ZNF490: variants seen among roughly 807,000 people sequenced by gnomAD.
The protein encoded by ZNF490 is zinc finger protein 490.
ZNF490 carries 11 observed loss-of-function variants against 17.7 expected under a neutral mutation model. That is an observed-to-expected ratio of 0.62 (90% CI 0.39 to 1.03). ZNF490 has a LOEUF of 1.03. ZNF490 is among the 50% of genes least tolerant of loss of function. The pLI is 0.00. For missense variants in ZNF490, 542 were observed against 643.4 expected (o/e 0.84, Z 1.71); for synonymous variants, 222 against 216.1 (o/e 1.03, Z -0.24).
intron 2 of ZNF490, among the ~76,000 whole-genome samples, chr19:12,590,641 G>T (rs2022859251): frequency 6.6e-6 from 1 of 152,224 alleles, no homozygotes; most frequent in Non-Finnish European, 1.5e-5. Flanking sequence ...TGACATGACT[G>T]CGTATGTAGA....
chr19:12,597,423 C>G (rs554457560), intron 2 of ZNF490: 18 of 277,196 alleles, frequency 6.5e-5, no homozygotes, highest in Admixed American at 4.6e-5. Context: ...GCCGAGCTAG[C>G]TTCCCAGAGT....
At chr19:12,605,435 C>T (rs2023056127) in intron 2 of ZNF490, among the ~76,000 whole-genome samples, 1 of 151,634 alleles carries the variant, frequency 6.6e-6, no homozygotes, top group Non-Finnish European at 1.5e-5. Context: ...GAGCTATGAT[C>T]CTGCCACTGC....
chr19:12,578,525 G>A lies in ZNF490; in HGVS notation c.*1960C>T. 2.0e-6 allele frequency: 2 copies of A among 985,430 alleles called. No individual in the cohort carries two copies. The highest frequency in any genetic ancestry group is 2.4e-6 in the Non-Finnish European group (2 of 829,948). 61.0% of individuals were successfully genotyped at this position (985,430 alleles called of 1,614,324 possible). ...AGTGTCCAAAGTGTAGGTTTGAGAT[G>A]GGAAATGGAGCTGGAGATGACCTCA... On this transcript the variant is annotated 3_prime_UTR_variant, in exon 5 of 5. Coordinates refer to ENST00000311437, the MANE Select transcript of ZNF490 (RefSeq NM_020714.3).
chr19:12,597,297 C>A (rs2022946550), intron 2 of ZNF490: 1 of 421,798 alleles, frequency 2.4e-6, no homozygotes, highest in Admixed American at 2.5e-5. Flanking sequence ...GATGTTCACA[C>A]GCGCATTCAG....
intron 3 of ZNF490, 144 bp downstream of exon 3, chr19:12,583,286 G>A (rs886154211): frequency 3.2e-5 from 29 of 896,028 alleles, no homozygotes; most frequent in African/African-American, 1.2e-4. Context: ...TAATCCGCCC[G>A]CCTCAGCCTC....
chr19:12,583,850 G>T (rs1391547610), intron 2 of ZNF490, among the ~76,000 whole-genome samples: 12 of 119,458 alleles, frequency 1.0e-4, no homozygotes, highest in Non-Finnish European at 3.2e-5. Flanking sequence ...TTGCTCTGTC[G>T]CCCAGGCTGG....
At position 12,596,440 on chromosome 19, in the gene ZNF490, G is replaced by A. The variant is rs183478098; in HGVS notation, c.162+12718C>T. The stretch of plus-strand genomic sequence containing the variant: ...CACGCCTATAATACCAACATTTTGG[G>A]AGGCCAAGGCAAGAGGATCCCTTAA... On this transcript the variant is annotated intron_variant, in intron 2 of 4. Coordinates refer to ENST00000311437, the MANE Select transcript of ZNF490 (RefSeq NM_020714.3). Among the ~76,000 whole-genome samples, 23 of 152,152 alleles carry A rather than the reference G, an allele frequency of 1.5e-4. 1 individual carries two copies. The East Asian group carries it at 4.4e-3, about 29-fold the overall frequency.
At chr19:12,604,629 T>C (rs542794836) in intron 2 of ZNF490, among the ~76,000 whole-genome samples, 1 of 150,124 alleles carries the variant, frequency 6.7e-6, no homozygotes, top group South Asian at 2.1e-4. Flanking sequence ...GCCACTGCAC[T>C]CCAGCCTGGG....
intron 2 of ZNF490, among the ~76,000 whole-genome samples, chr19:12,589,898 GTATGTATGTATGTATTTATT>G (rs1568279779): frequency 8.5e-6 from 1 of 118,192 alleles, no homozygotes; most frequent in African/African-American, 3.0e-5. Context: ...ATGTATGTAT[GTATGTATGTATGTATTTATT>G]TATTTATTTA....
At chr19:12,600,822 T>C (rs529651088) in intron 2 of ZNF490, among the ~76,000 whole-genome samples, 2 of 152,058 alleles carry the variant, frequency 1.3e-5, no homozygotes, top group Non-Finnish European at 2.9e-5. Context: ...AGAGAAAAAA[T>C]GTTCAGGACT....
intron 2 of ZNF490, among the ~76,000 whole-genome samples, chr19:12,608,434 A>T (rs1010610486): frequency 2.0e-5 from 3 of 148,430 alleles, no homozygotes; most frequent in Admixed American, 6.9e-5. Flanking sequence ...TGCCCAGCTA[A>T]TTTTTTATCT....
At chr19:12,589,386 A>C (rs2022839069) in intron 2 of ZNF490, among the ~76,000 whole-genome samples, 1 of 151,934 alleles carries the variant, frequency 6.6e-6, no homozygotes. Context: ...AAACCAACAA[A>C]ACCAAAAGGT....
chr19:12,581,274 G>C lies in ZNF490; in HGVS notation c.801C>G (p.Arg267=). 6.2e-7 allele frequency: 1 copy of C among 1,614,040 alleles called. No individual in the cohort carries two copies. Among genetic ancestry groups the C allele is most frequent in the Non-Finnish European group, 8.5e-7 (1 of 1,180,002 alleles). ...TCTCTCCAGTGTGATTTTTTTCATGGCGCCGAAGAGCAGTGAGATATCTGA... is the reference window on the plus strand; with the variant it reads ...TCTCTCCAGTGTGATTTTTTTCATGCCGCCGAAGAGCAGTGAGATATCTGA... ...KAFRYLTALR[R]HEKNHTGEKP... is the part of the protein sequence containing the mutation. The change falls in exon 5 of 5, where the codon CGC becomes CGG. Residue 267 remains arginine, a synonymous_variant. Coordinates refer to ENST00000311437, the MANE Select transcript of ZNF490 (RefSeq NM_020714.3).
intron 2 of ZNF490, among the ~76,000 whole-genome samples, chr19:12,598,715 G>A (rs1029305978): frequency 7.3e-5 from 11 of 151,278 alleles, no homozygotes; most frequent in Admixed American, 3.3e-4. Flanking sequence ...TCTGCCGGGC[G>A]CGGTGGCTCA....
chr19:12,601,337 G>C (rs568638202), intron 2 of ZNF490, among the ~76,000 whole-genome samples: 1 of 151,316 alleles, frequency 6.6e-6, no homozygotes, highest in South Asian at 2.1e-4. Context: ...GCAATGAGCC[G>C]ATATTGCGCC....
Position 12,581,211 on chromosome 19 carries a change from T to C in ZNF490, c.864A>G (p.Ile288Met), listed in dbSNP as rs1019976429. ...CGTGGGTTAGAAAAGGCTGGTAATA[T>C]ATAAAGGCTTTTCCACACTGTTTAC... ...YKCKQCGKAF[I>M]YYQPFLTHER... Residue 288 changes from isoleucine (I) to methionine (M), a missense_variant, in exon 5 of 5, where the codon ATA becomes ATG. Coordinates refer to ENST00000311437, the MANE Select transcript of ZNF490 (RefSeq NM_020714.3). 3 of 1,610,518 alleles carry C rather than the reference T, an allele frequency of 1.9e-6. No individual in the cohort carries two copies. The highest frequency in any genetic ancestry group is 1.7e-6 in the Non-Finnish European group (2 of 1,177,148).
At chr19:12,610,446 G>T in intron 1 of ZNF490, 118 bp downstream of exon 1, 2 of 888,168 alleles carry the variant, frequency 2.3e-6, no homozygotes, top group Non-Finnish European at 3.7e-6. Context: ...CGCTGTTATG[G>T]TCAAAGATTA....
At chr19:12,583,046 T>A in intron 3 of ZNF490, 136 bp from the exon 4 acceptor site, 2 of 167,156 alleles carry the variant, frequency 1.2e-5, no homozygotes, top group Non-Finnish European at 2.2e-5. Context: ...TCTTCCCACA[T>A]TTTTTTTTTT....
rs896866361 is a variant in ZNF490 at position 12,597,251 on chromosome 19, G to A, written c.162+11907C>T. Reference sequence around the variant, plus strand: ...ATACGCAGAGCCACAGACAGTCCGAGGCTGGGACGCAATCCTAGCGAACCG... The same window carrying A: ...ATACGCAGAGCCACAGACAGTCCGAAGCTGGGACGCAATCCTAGCGAACCG... On this transcript the variant is annotated intron_variant, in intron 2 of 4. Coordinates refer to ENST00000311437, the MANE Select transcript of ZNF490 (RefSeq NM_020714.3). The A allele has an allele frequency of 2.7e-5, 12 of 452,592 alleles. No individual in the cohort carries two copies. The East Asian group carries it at 7.0e-4, about 26-fold the overall frequency. The allele number at this position is 452,592 out of a possible 1,614,324, so 28.0% of individuals were successfully genotyped here.
Sources: gnomAD v4.1 joint callset for allele counts (sites outside exome capture counted in the v4.1 genomes callset) on GRCh38, gnomAD v4.1.1 for gene constraint, MANE v1.5 for transcripts, NCBI Gene and HGNC (gene_info 2026-07-23, HGNC 2026-07-21) for gene names.